Variants in PSMD14 observed in about 807,000 individuals in gnomAD.
The protein encoded by PSMD14 is ubiquitin C-terminal hydrolase PSMD14.
In PSMD14, 7 loss-of-function variants were observed where a neutral mutation model predicts 41.2. The observed-to-expected ratio is 0.17, with a 90% CI of 0.10 to 0.32. PSMD14 has a LOEUF of 0.32. Ranked by LOEUF, PSMD14 falls within the 10% of genes least tolerant of loss-of-function variation. The pLI, the probability that PSMD14 is intolerant of heterozygous loss-of-function variation, is 1.00. For missense variants in PSMD14, 139 were observed against 375.6 expected (o/e 0.37, Z 5.21); for synonymous variants, 114 against 122.3 (o/e 0.93, Z 0.45).
chr2:161,338,257 A>C (rs548197444), intron 3 of PSMD14, among the ~76,000 whole-genome samples: 39 of 152,070 alleles, frequency 2.6e-4, no homozygotes, highest in Non-Finnish European at 4.9e-4. Flanking sequence ...TGAAGTTCTG[A>C]AACTGCGTTT....
chr2:161,323,998 A>C (rs112189917), intron 3 of PSMD14, among the ~76,000 whole-genome samples: 8 of 152,362 alleles, frequency 5.3e-5, no homozygotes, highest in African/African-American at 1.9e-4. Flanking sequence ...AACAGAGCCC[A>C]AGAGATGAGA....
intron 10 of PSMD14, among the ~76,000 whole-genome samples, chr2:161,403,045 A>G (rs1450221715): frequency 1.3e-5 from 2 of 152,236 alleles, no homozygotes; most frequent in African/African-American, 4.8e-5. Context: ...TCATAAGTAT[A>G]TACCCAAAAG....
intron 3 of PSMD14, among the ~76,000 whole-genome samples, chr2:161,355,185 G>A (rs1683178919): frequency 6.6e-6 from 1 of 152,038 alleles, no homozygotes. Context: ...ATATATCGTT[G>A]GTTAAACTTA....
intron 3 of PSMD14, among the ~76,000 whole-genome samples, chr2:161,337,064 A>G (rs561861216): frequency 6.6e-6 from 1 of 152,376 alleles, no homozygotes; most frequent in East Asian, 1.9e-4. Flanking sequence ...TTTAAAAACC[A>G]TTAACCAAGA....
intron 3 of PSMD14, among the ~76,000 whole-genome samples, chr2:161,321,733 A>G (rs1209379154): frequency 6.6e-6 from 1 of 152,150 alleles, no homozygotes; most frequent in African/African-American, 2.4e-5. Context: ...TATTATTACA[A>G]TTTTGTTATC....
At chr2:161,356,802 T>A (rs1264737489) in intron 3 of PSMD14, among the ~76,000 whole-genome samples, 1 of 151,304 alleles carries the variant, frequency 6.6e-6, no homozygotes, top group African/African-American at 2.4e-5. Context: ...ATGTTTAATG[T>A]CATTTCCCGA....
At chr2:161,396,862 CTG>C (rs1683804747) in intron 10 of PSMD14, among the ~76,000 whole-genome samples, 1 of 152,112 alleles carries the variant, frequency 6.6e-6, no homozygotes, top group Non-Finnish European at 1.5e-5. Flanking sequence ...GAATCTCACT[CTG>C]TCACCCAGAC....
chr2:161,317,579 A>G (rs1234682455), intron 2 of PSMD14, among the ~76,000 whole-genome samples: 3 of 152,272 alleles, frequency 2.0e-5, no homozygotes, highest in African/African-American at 7.2e-5. Flanking sequence ...CCATGGCCAT[A>G]TCGTTTGTTT....
At chr2:161,376,433 A>ATT (rs1683503397) in intron 7 of PSMD14, among the ~76,000 whole-genome samples, 1 of 151,908 alleles carries the variant, frequency 6.6e-6, no homozygotes, top group South Asian at 2.1e-4. Flanking sequence ...AAGAACTAGA[A>ATT]TATTAAAAAA....
rs190818186 is a variant in PSMD14, at chr2:161,334,399, C to T, written c.48+15526C>T. 1.9e-3 allele frequency among the ~76,000 whole-genome samples: 283 copies of T among 152,146 alleles called. 7 individuals are homozygous for T. Among genetic ancestry groups the T allele is most frequent in the Admixed American group, 0.017 (267 of 15,276 alleles). On this transcript the variant is annotated intron_variant, in intron 3 of 11. Coordinates refer to ENST00000409682, the MANE Select transcript of PSMD14 (RefSeq NM_005805.6). ...GCCTGGCCACAGTGTCTTTTTTGTTCGCTAAGGTTTGTGTGTTGTTCTCTC... is the reference window on the plus strand; with the variant it reads ...GCCTGGCCACAGTGTCTTTTTTGTTTGCTAAGGTTTGTGTGTTGTTCTCTC...
intron 7 of PSMD14, among the ~76,000 whole-genome samples, chr2:161,372,944 G>A (rs1683457029): frequency 6.6e-6 from 1 of 151,718 alleles, no homozygotes; most frequent in Non-Finnish European, 1.5e-5. Flanking sequence ...CTCATGTGAT[G>A]GTGGCTACTT....
At chr2:161,405,505 A>C (rs1424339374) in intron 10 of PSMD14, among the ~76,000 whole-genome samples, 1 of 152,018 alleles carries the variant, frequency 6.6e-6, no homozygotes, top group Non-Finnish European at 1.5e-5. Context: ...AGTGTAGATT[A>C]ACTTCTTTAT....
At chr2:161,330,783 A>G (rs1458743944) in intron 3 of PSMD14, among the ~76,000 whole-genome samples, 1 of 152,198 alleles carries the variant, frequency 6.6e-6, no homozygotes, top group Non-Finnish European at 1.5e-5. Flanking sequence ...AATGCCTGTG[A>G]AGGGCATAAT....
intron 9 of PSMD14, among the ~76,000 whole-genome samples, chr2:161,391,499 AAAG>A (rs1440587451): frequency 6.6e-6 from 1 of 152,108 alleles, no homozygotes; most frequent in Non-Finnish European, 1.5e-5. Flanking sequence ...TCTTCAATAA[AAAG>A]GCCTTTTGTA....
intron 3 of PSMD14, among the ~76,000 whole-genome samples, chr2:161,334,716 G>A (rs1574119528): frequency 6.6e-6 from 1 of 152,310 alleles, no homozygotes; most frequent in East Asian, 1.9e-4. Flanking sequence ...TGCTCTTTAA[G>A]TATTTTTCTT....
chr2:161,341,455 C>A (rs1275894809), intron 3 of PSMD14: 1 of 324,044 alleles, frequency 3.1e-6, no homozygotes, highest in Non-Finnish European at 4.5e-6. Flanking sequence ...ATATATAATT[C>A]GCAGATATTT....
At chr2:161,401,141 G>A (rs530874069) in intron 10 of PSMD14, among the ~76,000 whole-genome samples, 11 of 151,914 alleles carry the variant, frequency 7.2e-5, no homozygotes, top group East Asian at 1.9e-4. Flanking sequence ...AAATAAGTAC[G>A]GTACTGTAAA....
chr2:161,352,747 C>A (rs1683137540), intron 3 of PSMD14, among the ~76,000 whole-genome samples: 1 of 151,898 alleles, frequency 6.6e-6, no homozygotes, highest in Non-Finnish European at 1.5e-5. Flanking sequence ...TCTTTCTCTT[C>A]TTTCATTAGA....
chr2:161,326,746 C>T (rs571331551), intron 3 of PSMD14, among the ~76,000 whole-genome samples: 1 of 152,248 alleles, frequency 6.6e-6, no homozygotes, highest in East Asian at 1.9e-4. Flanking sequence ...TCTGATGATA[C>T]CAAAATCTAT....
Sources: gnomAD v4.1 joint callset for allele counts (sites outside exome capture counted in the v4.1 genomes callset) on GRCh38, gnomAD v4.1.1 for gene constraint, MANE v1.5 for transcripts, NCBI Gene and HGNC (gene_info 2026-07-23, HGNC 2026-07-21) for gene names.